Variants in CTXND1 observed in about 807,000 individuals in gnomAD.
CTXND1 encodes cortexin domain-containing 1 protein.
rs1211858947 is a variant in CTXND1 at position 80,198,735 on chromosome 15, G to A, written c.*3035C>T. ...CTCCCCTGTCTTAAGCAAGCTCCCCGGCTTCATCATATCTATCTTGATCTT... is the reference window on the plus strand; with the variant it reads ...CTCCCCTGTCTTAAGCAAGCTCCCCAGCTTCATCATATCTATCTTGATCTT... On this transcript the variant is annotated 3_prime_UTR_variant, in exon 3 of 3. Coordinates refer to ENST00000560778, the MANE Select transcript of CTXND1 (RefSeq NM_001352888.2). 2.6e-5 allele frequency: 4 copies of A among 152,082 alleles called. No individual in the cohort carries two copies. The highest frequency in any genetic ancestry group is 5.9e-5 in the Non-Finnish European group (4 of 68,026). The allele number at this position is 152,082 out of a possible 1,614,324, so 9.4% of individuals were successfully genotyped here. A position where few individuals can be genotyped will look rare whatever the true frequency, so the allele number is the denominator to read the frequency against.
chr15:80,240,998 T>G (rs1341710723), intron 1 of CTXND1, among the ~76,000 whole-genome samples: 3 of 152,172 alleles, frequency 2.0e-5, no homozygotes, highest in African/African-American at 7.2e-5. Context: ...AGAGAAAGTG[T>G]GGAAATGCTG....
In CTXND1 at chr15:80,196,671, A is replaced by G. The variant is rs16971828; in HGVS notation, c.*5099T>C. ...GCCGGGGACAAAATATTTTTCTCCC[A>G]TCTAAGCAAAGTTTGTGAATGGCTG... On this transcript the variant is annotated 3_prime_UTR_variant, in exon 3 of 3. Coordinates refer to ENST00000560778, the MANE Select transcript of CTXND1 (RefSeq NM_001352888.2). The G allele has an allele frequency of 0.12, 18,886 of 152,292 alleles. 1,310 individuals are homozygous for G. Among genetic ancestry groups the G allele is most frequent in the South Asian group, 0.16 (749 of 4,818 alleles). The allele number at this position is 152,292 out of a possible 1,614,324, so 9.4% of individuals were successfully genotyped here.
chr15:80,217,504 T>C (rs1180857399), intron 1 of CTXND1, among the ~76,000 whole-genome samples: 1 of 151,434 alleles, frequency 6.6e-6, no homozygotes, highest in Non-Finnish European at 1.5e-5. Flanking sequence ...TATGTGTCTG[T>C]GCTCTCCAAT....
chr15:80,240,849 G>T (rs1210640406), intron 1 of CTXND1, among the ~76,000 whole-genome samples: 3 of 152,202 alleles, frequency 2.0e-5, no homozygotes, highest in African/African-American at 7.2e-5. Flanking sequence ...ATGAATCTCA[G>T]TCAAAGCATC....
intron 1 of CTXND1, among the ~76,000 whole-genome samples, chr15:80,218,414 C>G (rs142031553): frequency 3.3e-5 from 5 of 152,314 alleles, no homozygotes; most frequent in Non-Finnish European, 5.9e-5. Context: ...GCTGGGATTA[C>G]AGGTGTGAGC....
chr15:80,220,441 T>C (rs995501714), intron 1 of CTXND1, among the ~76,000 whole-genome samples: 12 of 152,226 alleles, frequency 7.9e-5, no homozygotes, highest in Non-Finnish European at 1.3e-4. Flanking sequence ...CCATACTGTG[T>C]TAAATTGCAT....
intron 1 of CTXND1, among the ~76,000 whole-genome samples, chr15:80,227,507 A>G (rs1461068315): frequency 6.6e-6 from 1 of 150,816 alleles, no homozygotes; most frequent in Non-Finnish European, 1.5e-5. Context: ...TACGTTGGAG[A>G]TATTGTGGGT....
chr15:80,229,901 A>G (rs980778897), intron 1 of CTXND1, among the ~76,000 whole-genome samples: 2 of 152,196 alleles, frequency 1.3e-5, no homozygotes, highest in Non-Finnish European at 2.9e-5. Context: ...GAAAATGCTA[A>G]GTATTAAAAT....
rs1208229605 is a variant in CTXND1, at chr15:80,231,582, G to A, written c.-218+20425C>T. ...TAAGGGAGTTTGGAAATTTCTTCTC[G>A]AGAAAATAGCTGGCTTGCAAGGCTA... On this transcript the variant is annotated intron_variant, in intron 1 of 2. Transcript: ENST00000560778. Among the ~76,000 whole-genome samples the A allele has an allele frequency of 2.6e-5, 4 of 151,972 alleles. 1 individual carries two copies. The highest frequency in any genetic ancestry group is 3.9e-4 in the East Asian group (2 of 5,182).
intron 1 of CTXND1, among the ~76,000 whole-genome samples, chr15:80,251,455 C>T (rs536477779): frequency 6.6e-6 from 1 of 152,294 alleles, no homozygotes; most frequent in South Asian, 2.1e-4. Flanking sequence ...CCGTGCTGAC[C>T]TTCATCAGTT....
rs969248795 is a variant in CTXND1, at chr15:80,227,950, A to T, written c.-218+24057T>A. ...GGTTGTTTGACAGCATTTCACCCAC[A>T]GTAGAACTTCTTTAAAAATTGGGGT... is the stretch of plus-strand genomic sequence containing the variant. On this transcript the variant is annotated intron_variant, in intron 1 of 2. Coordinates refer to ENST00000560778, the MANE Select transcript of CTXND1 (RefSeq NM_001352888.2). Among the ~76,000 whole-genome samples, 4 of 152,376 alleles carry T rather than the reference A, an allele frequency of 2.6e-5. No homozygotes were observed. In the South Asian group the frequency reaches 8.3e-4, roughly 32 times the overall value.
chr15:80,239,750 T>C (rs11072888), intron 1 of CTXND1, among the ~76,000 whole-genome samples: 34,680 of 152,032 alleles, frequency 0.23, 5,307 homozygotes, highest in East Asian at 0.58. Context: ...AGCTCCCCAT[T>C]GTCCACAGAG....
intron 1 of CTXND1, among the ~76,000 whole-genome samples, chr15:80,204,260 C>T (rs537294829): frequency 1.4e-5 from 2 of 139,324 alleles, no homozygotes; most frequent in African/African-American, 5.5e-5. Flanking sequence ...AAAAATGTGA[C>T]CACATACACA....
At chr15:80,239,791 C>T (rs549565990) in intron 1 of CTXND1, among the ~76,000 whole-genome samples, 1 of 152,170 alleles carries the variant, frequency 6.6e-6, no homozygotes, top group Non-Finnish European at 1.5e-5. Flanking sequence ...ATTCAAGGAT[C>T]ACCATGCTCA....
At chr15:80,248,531 A>G (rs1893659729) in intron 1 of CTXND1, among the ~76,000 whole-genome samples, 1 of 152,224 alleles carries the variant, frequency 6.6e-6, no homozygotes, top group South Asian at 2.1e-4. Context: ...AGCCAACTCC[A>G]GGCAGTTGTA....
At chr15:80,218,211 C>T (rs1296219226) in intron 1 of CTXND1, among the ~76,000 whole-genome samples, 1 of 152,184 alleles carries the variant, frequency 6.6e-6, no homozygotes, top group Non-Finnish European at 1.5e-5. Context: ...TCATAGCTCA[C>T]TGCAGCCTGG....
intron 1 of CTXND1, among the ~76,000 whole-genome samples, chr15:80,238,721 C>T (rs1049558390): frequency 1.3e-5 from 2 of 152,140 alleles, no homozygotes. Flanking sequence ...GTGATCCACC[C>T]GCCTTGGCCT....
At chr15:80,240,334 CT>C (rs1024646425) in intron 1 of CTXND1, among the ~76,000 whole-genome samples, 3 of 152,146 alleles carry the variant, frequency 2.0e-5, no homozygotes, top group Admixed American at 6.5e-5. Flanking sequence ...GAATTTGCCC[CT>C]GTCCCTCATC....
intron 1 of CTXND1, among the ~76,000 whole-genome samples, chr15:80,229,209 G>A (rs116013501): frequency 0.026 from 3,921 of 150,472 alleles, 162 homozygotes; most frequent in African/African-American, 0.089. Context: ...CAACCCTCCC[G>A]CCCGGCCCCG....
Sources: allele counts gnomAD v4.1 joint callset (sites outside exome capture counted in the v4.1 genomes callset), GRCh38; gene constraint gnomAD v4.1.1; transcripts MANE v1.5; gene names NCBI Gene and HGNC (gene_info 2026-07-23, HGNC 2026-07-21).